ARPC2: variants seen among roughly 807,000 people sequenced by gnomAD.
ARPC2 encodes the protein actin related protein 2/3 complex subunit 2, also known as actin-related protein 2/3 complex subunit 2.
A neutral mutation model predicts 38.6 loss-of-function variants in ARPC2; 4 were observed. The observed-to-expected ratio is 0.10, with a 90% CI of 0.05 to 0.24. The LOEUF (loss-of-function observed/expected upper bound fraction) is 0.24, where lower values mean the gene tolerates loss of function less well. ARPC2 is among the 10% of genes least tolerant of loss of function. The pLI, the probability that ARPC2 is intolerant of heterozygous loss-of-function variation, is 1.00. For missense variants in ARPC2, 229 were observed against 387.3 expected (o/e 0.59, Z 3.43); for synonymous variants, 125 against 140.8 (o/e 0.89, Z 0.79).
In ARPC2 at chr2:218,238,710, C is replaced by G; in HGVS notation, c.315C>G (p.Ser105=). The G allele has an allele frequency of 1.2e-6, 2 of 1,612,918 alleles. No homozygotes were observed. The highest frequency in any genetic ancestry group is 1.7e-6 in the Non-Finnish European group (2 of 1,179,768). ...ATGACCTTGAAAATCTTCCGGCATCCAAGGATTCCATTGTGCATCAAGCTG... is the reference window on the plus strand; with the variant it reads ...ATGACCTTGAAAATCTTCCGGCATCGAAGGATTCCATTGTGCATCAAGCTG... The part of the protein sequence containing the change: ...LLYDLENLPA[S]KDSIVHQAGM... The change falls in exon 6 of 11, where the codon TCC becomes TCG. Residue 105 remains serine, a synonymous_variant. Transcript: ENST00000315717.
At chr2:218,243,929 A>G (rs1214095057) in intron 7 of ARPC2, among the ~76,000 whole-genome samples, 1 of 152,260 alleles carries the variant, frequency 6.6e-6, no homozygotes, top group Non-Finnish European at 1.5e-5. Flanking sequence ...GTACCTGTGA[A>G]TTAGAGCCTT....
chr2:218,250,030 T>G, intron 10 of ARPC2, 109 bp downstream of exon 10: 1 of 941,862 alleles, frequency 1.1e-6, no homozygotes, highest in East Asian at 2.7e-5. Context: ...TGGCTACATA[T>G]GAGGTCAGCA....
At position 218,233,352 on chromosome 2, in the gene ARPC2, C is replaced by CA. The variant is rs567656334; in HGVS notation, c.223-988dup. 5.0e-3 allele frequency: 697 copies of CA among 138,486 alleles called. 4 individuals carry two copies. Among genetic ancestry groups the CA allele is most frequent in the African/African-American group, 0.016 (601 of 37,794 alleles). The allele number at this position is 138,486 out of a possible 1,614,324, so 8.6% of individuals were successfully genotyped here. On this transcript the variant is annotated intron_variant, in intron 4 of 10. Coordinates refer to ENST00000315717, the MANE Select transcript of ARPC2 (RefSeq NM_152862.3). ...TGGACAACAGAGTAAGACTCCGTCT[C>CA]AAAAAAAAAAAATCATAATTTTTAA...
At chr2:218,230,854 A>C (rs1420333746) in intron 4 of ARPC2, among the ~76,000 whole-genome samples, 2 of 152,112 alleles carry the variant, frequency 1.3e-5, no homozygotes, top group African/African-American at 4.8e-5. Flanking sequence ...TCCACCTCAA[A>C]AAAAGGAAAA....
intron 7 of ARPC2, among the ~76,000 whole-genome samples, chr2:218,241,887 G>A (rs1356255576): frequency 6.6e-6 from 1 of 152,182 alleles, no homozygotes; most frequent in African/African-American, 2.4e-5. Flanking sequence ...TAGGTAATTT[G>A]TTGGAAATGA....
In ARPC2 at chr2:218,241,064, C is replaced by T. The variant is rs575869395; in HGVS notation, c.549+1580C>T. ...TTCAGGCTGGTTTCTTCTGAGATGG[C>T]TCAGCATTCAAAATCTAGTACAATG... On this transcript the variant is annotated intron_variant, in intron 7 of 10. Coordinates refer to ENST00000315717, the MANE Select transcript of ARPC2 (RefSeq NM_152862.3). Among the ~76,000 whole-genome samples, 4 of 152,310 alleles carry T rather than the reference C, an allele frequency of 2.6e-5. No individual in the cohort carries two copies. In the East Asian group the frequency reaches 7.7e-4, roughly 29 times the overall value.
chr2:218,251,201 G>GTT (rs1690181922), intron 10 of ARPC2, among the ~76,000 whole-genome samples: 2 of 136,222 alleles, frequency 1.5e-5, no homozygotes, highest in African/African-American at 7.4e-5. Context: ...GTTTTGTTTT[G>GTT]TTGTTTTGTT....
In ARPC2 at chr2:218,249,877, C is replaced by T; in HGVS notation, c.834C>T (p.Asn278=). 2.5e-6 allele frequency: 4 copies of T among 1,613,850 alleles called. No homozygotes were observed. The highest frequency in any genetic ancestry group is 3.4e-6 in the Non-Finnish European group (4 of 1,179,924). Residue 278 remains asparagine (N), a synonymous_variant, in exon 10 of 11, where the codon AAC becomes AAT. Coordinates refer to ENST00000315717, the MANE Select transcript of ARPC2 (RefSeq NM_152862.3). The part of the protein sequence containing the change: ...AKTSDFLKVL[N]RARPDAEKKE... ...CGTCTGACTTCCTCAAGGTGCTGAA[C>T]CGCGCACGCCCAGATGCCGAGAAAA... is the stretch of plus-strand genomic sequence containing the variant.
chr2:218,217,364 C>T (rs1395109121), intron 1 of ARPC2, 99 bp from the exon 2 acceptor site: 15 of 1,121,070 alleles, frequency 1.3e-5, no homozygotes, highest in Non-Finnish European at 2.0e-5. Context: ...ACCTCCTACC[C>T]CACCCAGCCC....
At chr2:218,253,026 A>G (rs1690231077) in intron 10 of ARPC2, 1 of 456,542 alleles carries the variant, frequency 2.2e-6, no homozygotes, top group Non-Finnish European at 4.4e-6. Context: ...AGATTATGTT[A>G]CTAATGGTGG....
rs35784341 is a variant in ARPC2, at chr2:218,225,440, A to T, written c.75-480A>T. 3.8e-3 allele frequency among the ~76,000 whole-genome samples: 574 copies of T among 152,304 alleles called. 3 individuals are homozygous for T. Among genetic ancestry groups the T allele is most frequent in the South Asian group, 0.018 (85 of 4,822 alleles). The stretch of plus-strand genomic sequence containing the variant: ...TAGGAAGGCTTACAGACGGGTTTTG[A>T]AGTGGAATAGAACTTGCCGTTTTGT... On this transcript the variant is annotated intron_variant, in intron 2 of 10. Transcript: ENST00000315717.
At chr2:218,253,833 G>A (rs1690250884) in intron 10 of ARPC2, 58 bp from the exon 11 acceptor site, 1 of 1,600,444 alleles carries the variant, frequency 6.2e-7, no homozygotes, top group Non-Finnish European at 8.5e-7. Context: ...CTAGGAGTGT[G>A]GGGTGGGAGG....
At chr2:218,237,225 A>G (rs985788598) in intron 5 of ARPC2, among the ~76,000 whole-genome samples, 4 of 151,546 alleles carry the variant, frequency 2.6e-5, no homozygotes, top group Admixed American at 1.3e-4. Flanking sequence ...TTGAGACAGA[A>G]TTTCACTCTT....
At chr2:218,251,324 G>T (rs10171570) in intron 10 of ARPC2, among the ~76,000 whole-genome samples, 2 of 152,060 alleles carry the variant, frequency 1.3e-5, no homozygotes, top group Middle Eastern at 3.2e-3. Flanking sequence ...CAATTCTCTT[G>T]CCTCAGCCTC....
intron 7 of ARPC2, among the ~76,000 whole-genome samples, chr2:218,244,110 T>C (rs548619752): frequency 8.5e-5 from 13 of 152,368 alleles, no homozygotes; most frequent in African/African-American, 2.6e-4. Context: ...TCTAGAAATT[T>C]CCATTTGGGA....
chr2:218,218,519 G>T (rs1689312331), intron 2 of ARPC2, among the ~76,000 whole-genome samples: 1 of 152,232 alleles, frequency 6.6e-6, no homozygotes, highest in Admixed American at 6.5e-5. Flanking sequence ...AAGGATTTTG[G>T]GTTCTAATTT....
intron 7 of ARPC2, among the ~76,000 whole-genome samples, chr2:218,244,012 AG>A (rs1396859113): frequency 3.9e-5 from 6 of 152,336 alleles, no homozygotes; most frequent in South Asian, 2.1e-4. Context: ...AATACCGAAA[AG>A]TAAAACCAGT....
rs990406322 is a variant in ARPC2 at position 218,245,340 on chromosome 2, A to G, written c.550-80A>G. On this transcript the variant is annotated intron_variant, in intron 7 of 10. Transcript: ENST00000315717. The stretch of plus-strand genomic sequence containing the variant: ...TGGAGGGCTACAAAGGTCACACCAC[A>G]TAGAACAAACCCTATAGCTTGAGTT... 3.1e-6 allele frequency: 5 copies of G among 1,588,792 alleles called. No individual in the cohort carries two copies. In the African/African-American group the frequency reaches 5.4e-5, roughly 17 times the overall value.
At chr2:218,248,754 G>A (rs1460781471) in intron 8 of ARPC2, among the ~76,000 whole-genome samples, 2 of 152,174 alleles carry the variant, frequency 1.3e-5, no homozygotes, top group African/African-American at 2.4e-5. Context: ...GAGCCATCGC[G>A]CCCAGCCTCA....
Sources: gnomAD v4.1 joint callset for allele counts (sites outside exome capture counted in the v4.1 genomes callset) on GRCh38, gnomAD v4.1.1 for gene constraint, MANE v1.5 for transcripts, NCBI Gene and HGNC (gene_info 2026-07-23, HGNC 2026-07-21) for gene names.